Variants in PLXNB1 observed in about 807,000 individuals in gnomAD.
The protein encoded by PLXNB1 is plexin B1.
Under a neutral mutation model 209.4 loss-of-function variants are expected in PLXNB1, and 106 were observed. The observed-to-expected ratio is 0.51, with a 90% CI of 0.43 to 0.59. The LOEUF is 0.59. Among genes scored for constraint, PLXNB1 ranks in the 20% least tolerant of loss-of-function variants. The probability of loss-of-function intolerance (pLI) is 0.00; values close to 1 mark genes in which losing one functional copy is unlikely to be tolerated. For missense variants in PLXNB1, 2,357 were observed against 2,853.2 expected, an observed-to-expected ratio of 0.83 and a Z score of 3.96; for synonymous variants, 1,167 against 1,183.2, an observed-to-expected ratio of 0.99 and a Z score of 0.28.
In PLXNB1 at chr3:48,413,428, T is replaced by C; in HGVS notation, c.4535+242A>G. The C allele has an allele frequency of 1.7e-6, 1 of 602,522 alleles. No individual in the cohort carries two copies. Among genetic ancestry groups the C allele is most frequent in the Non-Finnish European group, 2.9e-6 (1 of 342,064 alleles). The allele number at this position is 602,522 out of a possible 1,614,324, so 37.3% of individuals were successfully genotyped here. On this transcript the variant is annotated intron_variant, in intron 23 of 37. Coordinates refer to ENST00000296440, the MANE Select transcript of PLXNB1 (RefSeq NM_001130082.3). The surrounding 1 kb of genome is among the most constrained non-coding windows in gnomAD (Gnocchi z 5.4). ...AGGCCAAATCCATCCCACAACCTATTTTTATAAAGATTTGTTAGAACACAG... is the reference window on the plus strand; with the variant it reads ...AGGCCAAATCCATCCCACAACCTATCTTTATAAAGATTTGTTAGAACACAG...
chr3:48,422,371 T>C lies in PLXNB1; in HGVS notation c.1379A>G (p.Asp460Gly). 2 of 1,609,736 alleles carry C rather than the reference T, an allele frequency of 1.2e-6. No individual in the cohort carries two copies. The highest frequency in any genetic ancestry group is 1.7e-6 in the Non-Finnish European group (2 of 1,177,914). ...GACATACAGGTGCTCAAAGGTCCCATCAAAGGTGAGGTCTCTGCTCACTGC... is the reference window on the plus strand; with the variant it reads ...GACATACAGGTGCTCAAAGGTCCCACCAAAGGTGAGGTCTCTGCTCACTGC... ...GSAVSRDLTF[D>G]GTFEHLYVMT... Residue 460 changes from aspartate (D) to glycine (G), a missense_variant, in exon 5 of 38, where the codon GAT (aspartate) becomes GGT (glycine). Asp to Gly is a moderately conservative substitution (Grantham distance 94, BLOSUM62 -1). Around this residue, in one of 7 missense-constraint regions of PLXNB1, gnomAD observed 404 missense variants for 443.6 expected, o/e 0.91. Transcript: ENST00000296440.
Position 48,422,444 on chromosome 3 carries a change from C to T in PLXNB1, c.1306G>A (p.Gly436Arg), listed in dbSNP as rs373864177. 1.5e-5 allele frequency: 24 copies of T among 1,591,914 alleles called. No individual in the cohort carries two copies. The African/African-American group carries it at 2.7e-4, about 18-fold the overall frequency. ...GQLHRVYLGP[G>R]SDGHPYSTQS... The stretch of plus-strand genomic sequence containing the variant: ...GTGGAGTATGGGTGGCCATCGCTCC[C>T]TGGGCCCAAGTAGACCTGGGATCAG... Residue 436 changes from glycine (G) to arginine (R), a missense_variant, in exon 5 of 38, where the codon GGG becomes AGG. By Grantham distance (125) the Gly-to-Arg change is moderately radical. Coordinates refer to ENST00000296440, the MANE Select transcript of PLXNB1 (RefSeq NM_001130082.3).
rs772885214 is a variant in PLXNB1, at chr3:48,419,983, G to A, written c.2303C>T (p.Pro768Leu). ...AGTGGGGGCAGGGACAGCGGTTCCAGGTCCATTTTGGGGGCTGGGAGGGGA... is the reference window on the plus strand; with the variant it reads ...AGTGGGGGCAGGGACAGCGGTTCCAAGTCCATTTTGGGGGCTGGGAGGGGA... ...EPSPPSPQNG[P>L]GTAVPAPTDF... The change falls in exon 11 of 38, where the codon CCT (proline) becomes CTT (leucine). Residue 768 changes from proline to leucine, a missense_variant. By Grantham distance (98) the Pro-to-Leu change is moderately conservative (BLOSUM62 -3). This residue lies in a region of PLXNB1 where 410 missense variants were observed against 401.0 expected (regional missense o/e 1.02). Transcript: ENST00000296440. The surrounding 1 kb of genome is among the most constrained non-coding windows in gnomAD (Gnocchi z 5.7). The A allele has an allele frequency of 5.0e-6, 8 of 1,594,612 alleles. No individual in the cohort carries two copies. Among genetic ancestry groups the A allele is most frequent in the African/African-American group, 1.3e-5 (1 of 74,552 alleles).
chr3:48,421,645 A>C (rs1575405946), intron 7 of PLXNB1, 29 bp downstream of exon 7: 1 of 1,575,338 alleles, frequency 6.3e-7, no homozygotes, highest in African/African-American at 1.3e-5. Flanking sequence ...AGCCCTCCCC[A>C]CCAGGGCCCT....
In PLXNB1 at chr3:48,405,572, A is replaced by C. The variant is rs575027490; in HGVS notation, c.6303+152T>G. On this transcript the variant is annotated intron_variant, in intron 37 of 37. Coordinates refer to ENST00000296440, the MANE Select transcript of PLXNB1 (RefSeq NM_001130082.3). The surrounding 1 kb of genome is among the most constrained non-coding windows in gnomAD (Gnocchi z 5.0). The stretch of plus-strand genomic sequence containing the variant: ...CCAATGCCAGGAAGCCCGCCTGGAA[A>C]ACACTTCTCAAGCCACCAAGGGGCC... The C allele has an allele frequency of 3.3e-6, 2 of 608,132 alleles. No individual in the cohort carries two copies. Among genetic ancestry groups the C allele is most frequent in the Non-Finnish European group, 5.8e-6 (2 of 345,752 alleles). 37.7% of individuals were successfully genotyped at this position (608,132 alleles called of 1,614,324 possible).
Position 48,423,583 on chromosome 3 carries a change from C to G in PLXNB1, c.1029G>C (p.Arg343=), listed in dbSNP as rs1335283505. ...CGGTCCCATCCTCAGCACGACCCTC[C>G]CGGGTGTAGCAGGCATCTCGCGTGC... ...ANRTRDACYT[R]EGRAEDGTEV... is the part of the protein sequence containing the mutation. The change falls in exon 3 of 38, where the codon CGG becomes CGC. Residue 343 remains arginine, a synonymous_variant. Transcript: ENST00000296440. 1.2e-6 allele frequency: 2 copies of G among 1,614,072 alleles called. No individual in the cohort carries two copies. The highest frequency in any genetic ancestry group is 3.3e-5 in the Admixed American group (2 of 60,002).
rs192546829 is a variant in PLXNB1 at position 48,406,973 on chromosome 3, C to A, written c.6152+54G>T. 7 of 1,609,762 alleles carry A rather than the reference C, an allele frequency of 4.3e-6. No individual in the cohort carries two copies. Among genetic ancestry groups the A allele is most frequent in the South Asian group, 3.3e-5 (3 of 90,974 alleles). On this transcript the variant is annotated intron_variant, in intron 35 of 37. Coordinates refer to ENST00000296440, the MANE Select transcript of PLXNB1 (RefSeq NM_001130082.3). The surrounding 1 kb of genome is among the most constrained non-coding windows in gnomAD (Gnocchi z 4.4). Reference sequence around the variant, plus strand: ...CCTGCTCCCAACCAGAGCCCACCCCCCAAGCCTCAGCTGCACACGCCCTCC... The same window carrying A: ...CCTGCTCCCAACCAGAGCCCACCCCACAAGCCTCAGCTGCACACGCCCTCC...
chr3:48,410,654 C>T lies in PLXNB1; in HGVS notation c.5417-96G>A. ...TCCACAGGGACACCAGCCCCTCCAT[C>T]ATGGGGCAGCCTTACTCAACCTCTC... On this transcript the variant is annotated intron_variant, in intron 29 of 37. Transcript: ENST00000296440. This position sits in a 1 kb window ranked among gnomAD's most constrained non-coding sequence, Gnocchi z 6.4. 9.1e-7 allele frequency: 1 copy of T among 1,099,144 alleles called. No homozygotes were observed. Among genetic ancestry groups the T allele is most frequent in the Non-Finnish European group, 1.4e-6 (1 of 735,822 alleles). 68.1% of individuals were successfully genotyped at this position (1,099,144 alleles called of 1,614,324 possible).
rs528433985 is a variant in PLXNB1 at position 48,405,078 on chromosome 3, G to A, written c.6304-488C>T. On this transcript the variant is annotated intron_variant, in intron 37 of 37. Transcript: ENST00000296440. This position sits in a 1 kb window ranked among gnomAD's most constrained non-coding sequence, Gnocchi z 5.0. Reference sequence around the variant, plus strand: ...GCTACTGCCCACTATGTCTCCACAAGGGGACATGCCTGCATCACACCCTGC... The same window carrying A: ...GCTACTGCCCACTATGTCTCCACAAAGGGACATGCCTGCATCACACCCTGC... Among the ~76,000 whole-genome samples, 33 of 152,304 alleles carry A rather than the reference G, an allele frequency of 2.2e-4. No individual in the cohort carries two copies. Among genetic ancestry groups the A allele is most frequent in the African/African-American group, 7.5e-4 (31 of 41,564 alleles).
In PLXNB1 at chr3:48,423,652, G is replaced by A; in HGVS notation, c.960C>T (p.Ala320=). Residue 320 remains alanine (A), a synonymous_variant, in exon 3 of 38, where the codon GCC becomes GCT. Transcript: ENST00000296440. The stretch of plus-strand genomic sequence containing the variant: ...CCTCATCCAGGGGGAAGGCACAGAG[G>A]GCAGAGGCTCCAGATGCCCCAGCAG... ...SAAAGASGAS[A]LCAFPLDEVD... is the part of the protein sequence containing the mutation. 6.2e-7 allele frequency: 1 copy of A among 1,614,012 alleles called. No homozygotes were observed. The highest frequency in any genetic ancestry group is 8.5e-7 in the Non-Finnish European group (1 of 1,179,970).
rs367875730 is a variant in PLXNB1 at position 48,404,278 on chromosome 3, C to T, written c.*208G>A. 5.4e-5 allele frequency: 30 copies of T among 551,090 alleles called. No individual in the cohort carries two copies. The African/African-American group carries it at 5.5e-4, about 10-fold the overall frequency. The allele number at this position is 551,090 out of a possible 1,614,324, so 34.1% of individuals were successfully genotyped here. On this transcript the variant is annotated 3_prime_UTR_variant, in exon 38 of 38. Coordinates refer to ENST00000296440, the MANE Select transcript of PLXNB1 (RefSeq NM_001130082.3). ...AGGGTCGCTGGACTCGGGGAGCAGG[C>T]TGGGTACTACCCCATGAGCCTTGAG...
rs747601462 is a variant in PLXNB1, at chr3:48,414,007, CAG to C, written c.4272_4273del (p.Val1426GlyfsTer30). The C allele has an allele frequency of 6.2e-7, 1 of 1,613,972 alleles. No homozygotes were observed. Among genetic ancestry groups the C allele is most frequent in the Non-Finnish European group, 8.5e-7 (1 of 1,179,988 alleles). Reference sequence around the variant, plus strand: ...GTGCCGCGTCAGCGTCTTCACCACACAGGGGCCATCCCCTATCATAGCCACCA... The same window carrying C: ...GTGCCGCGTCAGCGTCTTCACCACACGGGCCATCCCCTATCATAGCCACCA... On this transcript the variant is annotated frameshift_variant, in exon 22 of 38. Coordinates refer to ENST00000296440, the MANE Select transcript of PLXNB1 (RefSeq NM_001130082.3). LOFTEE classifies it high-confidence loss of function.
rs1169863374 is a variant in PLXNB1, at chr3:48,411,398, G to A, written c.5248-362C>T. ...CGGGAGCAAATATTCCCACCTATCC[G>A]ACAGGGGAGGGGTTCAGCAGGCCTG... On this transcript the variant is annotated intron_variant, in intron 28 of 37. Coordinates refer to ENST00000296440, the MANE Select transcript of PLXNB1 (RefSeq NM_001130082.3). This position sits in a 1 kb window ranked among gnomAD's most constrained non-coding sequence, Gnocchi z 4.0. 1.3e-5 allele frequency among the ~76,000 whole-genome samples: 2 copies of A among 152,220 alleles called. No individual in the cohort carries two copies. Among genetic ancestry groups the A allele is most frequent in the African/African-American group, 2.4e-5 (1 of 41,458 alleles).
intron 2 of PLXNB1, 49 bp from the exon 3 acceptor site, chr3:48,424,666 C>A (rs551794399): frequency 8.4e-5 from 126 of 1,506,216 alleles, no homozygotes; most frequent in Middle Eastern, 4.4e-4. Flanking sequence ...GCCGCCAGAG[C>A]ACCCTGGGGC....
At chr3:48,414,636 C>G (rs1055811832) in intron 21 of PLXNB1, among the ~76,000 whole-genome samples, 163 bp downstream of exon 21, 9 of 152,214 alleles carry the variant, frequency 5.9e-5, no homozygotes, top group African/African-American at 1.9e-4. Context: ...CTAGGCTAGG[C>G]ACCCCCCACC....
chr3:48,409,200 C>G lies in PLXNB1; in HGVS notation c.6087+129G>C. Reference sequence around the variant, plus strand: ...AACTGAGGTGGCCCCGGGATGAAGCCTTGGCTTGGGAGGTCAGAGGTCTCC... The same window carrying G: ...AACTGAGGTGGCCCCGGGATGAAGCGTTGGCTTGGGAGGTCAGAGGTCTCC... On this transcript the variant is annotated intron_variant, in intron 34 of 37. Coordinates refer to ENST00000296440, the MANE Select transcript of PLXNB1 (RefSeq NM_001130082.3). The surrounding 1 kb of genome is among the most constrained non-coding windows in gnomAD (Gnocchi z 5.8). 1 of 1,097,056 alleles carries G rather than the reference C, an allele frequency of 9.1e-7. No individual in the cohort carries two copies. Among genetic ancestry groups the G allele is most frequent in the East Asian group, 2.6e-5 (1 of 39,068 alleles). 68.0% of individuals were successfully genotyped at this position (1,097,056 alleles called of 1,614,324 possible).
At position 48,413,841 on chromosome 3, in the gene PLXNB1, G is replaced by C. The variant is rs2037869352; in HGVS notation, c.4387-23C>G. The stretch of plus-strand genomic sequence containing the variant: ...CACCTGTGTCAGGAGCCACCTGTGA[G>C]CAAGGGTTTGGCCCAGGTCAATGCC... On this transcript the variant is annotated intron_variant, in intron 22 of 37. Transcript: ENST00000296440. This position sits in a 1 kb window ranked among gnomAD's most constrained non-coding sequence, Gnocchi z 5.4. The C allele has an allele frequency of 6.2e-7, 1 of 1,611,088 alleles. No homozygotes were observed. The highest frequency in any genetic ancestry group is 8.5e-7 in the Non-Finnish European group (1 of 1,178,082).
rs2038114738 is a variant in PLXNB1 at position 48,416,520 on chromosome 3, CCT to C, written c.3375-71_3375-70del. ...GGCCCCTCAAGCTTACCTGGCAGCC[CCT>C]CTCCCTGCCCTACTGTCAGGTGGTC... On this transcript the variant is annotated intron_variant, in intron 16 of 37. Coordinates refer to ENST00000296440, the MANE Select transcript of PLXNB1 (RefSeq NM_001130082.3). This position sits in a 1 kb window ranked among gnomAD's most constrained non-coding sequence, Gnocchi z 4.1. 1 of 978,300 alleles carries C rather than the reference CCT, an allele frequency of 1.0e-6. No individual in the cohort carries two copies. The highest frequency in any genetic ancestry group is 1.6e-6 in the Non-Finnish European group (1 of 637,318). 60.6% of individuals were successfully genotyped at this position (978,300 alleles called of 1,614,324 possible). A position where few individuals can be genotyped will look rare whatever the true frequency, so the allele number is the denominator to read the frequency against.
In PLXNB1 at chr3:48,406,689, T is replaced by C. The variant is rs2037332516; in HGVS notation, c.6228+134A>G. 2.8e-6 allele frequency: 4 copies of C among 1,439,094 alleles called. No individual in the cohort carries two copies. Among genetic ancestry groups the C allele is most frequent in the Non-Finnish European group, 3.6e-6 (4 of 1,096,396 alleles). The allele number at this position is 1,439,094 out of a possible 1,614,324, so 89.1% of individuals were successfully genotyped here. A position where few individuals can be genotyped will look rare whatever the true frequency, so the allele number is the denominator to read the frequency against. On this transcript the variant is annotated intron_variant, in intron 36 of 37. Coordinates refer to ENST00000296440, the MANE Select transcript of PLXNB1 (RefSeq NM_001130082.3). The surrounding 1 kb of genome is among the most constrained non-coding windows in gnomAD (Gnocchi z 4.4). ...TGGCAGTTGGAACATTCTGCATTTA[T>C]GTTTCCTGCCCCAACCAGCTCACAG...
Sources: allele counts gnomAD v4.1 joint callset (sites outside exome capture counted in the v4.1 genomes callset), GRCh38; gene constraint gnomAD v4.1.1; regional missense constraint gnomAD v4.1.1; non-coding constraint Gnocchi (gnomAD v3.1); transcripts MANE v1.5; gene names NCBI Gene and HGNC (gene_info 2026-07-23, HGNC 2026-07-21).